The following TCF4 variants were observed in gnomAD, a reference collection of about 807,000 sequenced individuals.
TCF4 encodes transcription factor 4, also known as SL3-3 enhancer factor 2.
TCF4 carries 3 observed loss-of-function variants against 82.1 expected under a neutral mutation model. The ratio of observed to expected loss-of-function variants is 0.04; its 90% CI spans 0.02 to 0.09. TCF4 has a LOEUF of 0.09. Among genes scored for constraint, TCF4 ranks in the 10% least tolerant of loss-of-function variants. The pLI, the probability that TCF4 is intolerant of heterozygous loss-of-function variation, is 1.00. For synonymous variants in TCF4, 276 were observed against 309.6 expected, an observed-to-expected ratio of 0.89 and a Z score of 1.14; for missense variants, 518 against 852.7, an observed-to-expected ratio of 0.61 and a Z score of 4.89.
At chr18:55,574,456 C>A (rs1372941465) in intron 3 of TCF4, among the ~76,000 whole-genome samples, 3 of 152,166 alleles carry the variant, frequency 2.0e-5, no homozygotes, top group African/African-American at 7.2e-5. Context: ...TCCCGAGTAG[C>A]TGAGATTACA....
In TCF4 at chr18:55,228,267, G is replaced by A. The variant is rs1367628577; in HGVS notation, c.1974C>T (p.His658=). The A allele has an allele frequency of 1.2e-6, 2 of 1,614,102 alleles. No homozygotes were observed. Among genetic ancestry groups the A allele is most frequent in the South Asian group, 1.1e-5 (1 of 91,074 alleles). The change falls in exon 19 of 20, where the codon CAC becomes CAT. Residue 658 remains histidine (H), a synonymous_variant. Transcript: ENST00000354452. The stretch of plus-strand genomic sequence containing the variant: ...GATTCGATGCGTCTCCCATTCCAGG[G>A]TGTGGGCCGGCCAAGGAGAGAGGGG... The part of the protein sequence containing the change: ...EPPPLSLAGP[H]PGMGDASNHM...
intron 8 of TCF4, among the ~76,000 whole-genome samples, chr18:55,310,168 GA>G (rs1336738413): frequency 2.0e-5 from 3 of 152,158 alleles, no homozygotes; most frequent in African/African-American, 7.2e-5. Context: ...GATTTTACTA[GA>G]ATGTGTTGTA....
At chr18:55,505,102 C>T (rs1284016618) in intron 3 of TCF4, among the ~76,000 whole-genome samples, 2 of 152,070 alleles carry the variant, frequency 1.3e-5, no homozygotes, top group East Asian at 3.9e-4. Flanking sequence ...CTCACCATTC[C>T]CTAGGAGAAT....
chr18:55,357,888 G>T (rs1019705803), intron 6 of TCF4, among the ~76,000 whole-genome samples: 1 of 152,174 alleles, frequency 6.6e-6, no homozygotes, highest in Non-Finnish European at 1.5e-5. Flanking sequence ...TGTAAATAAG[G>T]TGACACCTCC....
chr18:55,325,641 GAAC>G (rs2076420900), intron 8 of TCF4, among the ~76,000 whole-genome samples: 1 of 152,184 alleles, frequency 6.6e-6, no homozygotes, highest in Non-Finnish European at 1.5e-5. Flanking sequence ...GGTAGAATTT[GAAC>G]AACTCCATGT....
At chr18:55,522,789 T>C (rs1184357793) in intron 3 of TCF4, among the ~76,000 whole-genome samples, 1 of 152,048 alleles carries the variant, frequency 6.6e-6, no homozygotes, top group Non-Finnish European at 1.5e-5. Flanking sequence ...TTTGTGGGAG[T>C]GTTTAACACA....
chr18:55,257,300 G>C lies in TCF4; in HGVS notation c.1146+15C>G. The stretch of plus-strand genomic sequence containing the variant: ...CTGAAAATGGGTGGGACAGAGATTA[G>C]CAAATGAGACATACCAAAGAGTGTA... On this transcript the variant is annotated intron_variant, in intron 14 of 19. Transcript: ENST00000354452. 1.2e-6 allele frequency: 2 copies of C among 1,612,120 alleles called. No homozygotes were observed. The highest frequency in any genetic ancestry group is 1.7e-6 in the Non-Finnish European group (2 of 1,178,328).
At position 55,223,797 on chromosome 18, in the gene TCF4, T is replaced by TAAAAAC. The variant is rs571078805; in HGVS notation, c.*4232_*4237dup. The TAAAAAC allele has an allele frequency of 2.1e-4, 31 of 149,578 alleles. No homozygotes were observed. The highest frequency in any genetic ancestry group is 6.1e-4 in the African/African-American group (25 of 40,716). 9.3% of individuals were successfully genotyped at this position (149,578 alleles called of 1,614,324 possible). On this transcript the variant is annotated 3_prime_UTR_variant, in exon 20 of 20. Coordinates refer to ENST00000354452, the MANE Select transcript of TCF4 (RefSeq NM_001083962.2). ...AAATTTCCCCGCTGCGACCTACAAC[T>TAAAAAC]AAAAACAAAAACAAAAACAAAAACA...
At chr18:55,354,340 T>C (rs1027038126) in intron 6 of TCF4, among the ~76,000 whole-genome samples, 2 of 152,188 alleles carry the variant, frequency 1.3e-5, no homozygotes, top group African/African-American at 4.8e-5. Flanking sequence ...TTGTTGTTTG[T>C]TTTACATCGG....
At chr18:55,403,621 G>A (rs762052438) in intron 5 of TCF4, 103 bp from the exon 6 acceptor site, 10 of 1,609,738 alleles carry the variant, frequency 6.2e-6, no homozygotes, top group East Asian at 2.2e-5. Context: ...GTTTACATAC[G>A]TAAAGTAGGC....
chr18:55,502,546 T>C (rs1435186077), intron 3 of TCF4, among the ~76,000 whole-genome samples: 2 of 152,222 alleles, frequency 1.3e-5, no homozygotes, highest in African/African-American at 4.8e-5. Flanking sequence ...ACAAATCTAA[T>C]ACACCCAAGT....
At position 55,325,676 on chromosome 18, in the gene TCF4, C is replaced by T. The variant is rs562864913; in HGVS notation, c.549+24683G>A. On this transcript the variant is annotated intron_variant, in intron 8 of 19. Coordinates refer to ENST00000354452, the MANE Select transcript of TCF4 (RefSeq NM_001083962.2). ...ATGTTTCTGTTTAAGTCACTGAACACGGAAAGTTGTTTTTTGTTGTTGTTG... is the reference window on the plus strand; with the variant it reads ...ATGTTTCTGTTTAAGTCACTGAACATGGAAAGTTGTTTTTTGTTGTTGTTG... Among the ~76,000 whole-genome samples the T allele has an allele frequency of 3.3e-5, 5 of 152,270 alleles. No homozygotes were observed. In the East Asian group the frequency reaches 5.8e-4, roughly 18 times the overall value.
chr18:55,351,000 T>A lies in TCF4; in HGVS notation c.373A>T (p.Ser125Cys), dbSNP rs755996702. 1 of 1,613,116 alleles carries A rather than the reference T, an allele frequency of 6.2e-7. No individual in the cohort carries two copies. Residue 125 changes from serine to cysteine, a missense_variant, in exon 7 of 20, where the codon AGT (serine) becomes TGT (cysteine). By Grantham distance (112) the Ser-to-Cys change is moderately radical. Transcript: ENST00000354452. Reference protein sequence around the residue: ...ESNLQGCHQQSLLGGDMDMGN... With the variant: ...ESNLQGCHQQCLLGGDMDMGN... Reference sequence around the variant, plus strand: ...ATATCCATGTCACCTCCAAGGAGACTCTGCTAAAAGGTTAAAAAGGGAAAA... The same window carrying A: ...ATATCCATGTCACCTCCAAGGAGACACTGCTAAAAGGTTAAAAAGGGAAAA...
intron 5 of TCF4, among the ~76,000 whole-genome samples, chr18:55,438,484 T>C (rs1342340772): frequency 6.6e-6 from 1 of 151,830 alleles, no homozygotes; most frequent in Non-Finnish European, 1.5e-5. Context: ...GAAACGCAAA[T>C]GTGAAAAAAG....
chr18:55,377,615 T>C (rs1481056415), intron 6 of TCF4, among the ~76,000 whole-genome samples: 1 of 152,268 alleles, frequency 6.6e-6, no homozygotes, highest in African/African-American at 2.4e-5. Context: ...ATAGCCTTTA[T>C]GCAGATTAAC....
chr18:55,402,790 G>A (rs901701411), intron 6 of TCF4, among the ~76,000 whole-genome samples: 9 of 152,128 alleles, frequency 5.9e-5, no homozygotes, highest in East Asian at 1.9e-4. Context: ...GTATACAAAT[G>A]CAAAGTGCCC....
chr18:55,233,819 A>AC (rs1279056842), intron 16 of TCF4, among the ~76,000 whole-genome samples: 2 of 149,926 alleles, frequency 1.3e-5, no homozygotes, highest in Non-Finnish European at 3.0e-5. Flanking sequence ...GCTCTGTCAA[A>AC]AAAAAAAAAA....
At chr18:55,635,522 G>A (rs1172290350) in intron 1 of TCF4, among the ~76,000 whole-genome samples, 1 of 150,690 alleles carries the variant, frequency 6.6e-6, no homozygotes, top group African/African-American at 2.4e-5. Context: ...AAAAAAAAAA[G>A]AAAAGAAAAA....
chr18:55,418,038 T>C (rs2094584390), intron 5 of TCF4, among the ~76,000 whole-genome samples: 1 of 151,016 alleles, frequency 6.6e-6, no homozygotes, highest in Non-Finnish European at 1.5e-5. Context: ...TGTGTGTGTG[T>C]GTGTGTATCT....
Sources: gnomAD v4.1 joint callset for allele counts (sites outside exome capture counted in the v4.1 genomes callset) on GRCh38, gnomAD v4.1.1 for gene constraint, MANE v1.5 for transcripts, NCBI Gene and HGNC (gene_info 2026-07-23, HGNC 2026-07-21) for gene names.